Variants in SBF2 observed in about 807,000 individuals in gnomAD.
SBF2 encodes the protein SET binding factor 2.
In SBF2, 112 loss-of-function variants were observed where a neutral mutation model predicts 225.2. The ratio of observed to expected loss-of-function variants is 0.50; its 90% CI spans 0.43 to 0.58. The LOEUF (loss-of-function observed/expected upper bound fraction) is 0.58. Among genes scored for constraint, SBF2 ranks in the 20% least tolerant of loss-of-function variants. The pLI is 0.00. For synonymous variants in SBF2, 763 were observed against 773.3 expected (o/e 0.99, Z 0.22); for missense variants, 1,996 against 2,206.2 (o/e 0.90, Z 1.91).
chr11:10,143,746 C>G (rs1954758435), intron 2 of SBF2, among the ~76,000 whole-genome samples: 1 of 150,992 alleles, frequency 6.6e-6, no homozygotes, highest in African/African-American at 2.4e-5. Context: ...TAGACGAAGT[C>G]TCGCTCTTTC....
Position 9,781,656 on chromosome 11 carries a change from C to A in SBF2, c.5320-18G>T, listed in dbSNP as rs767632563. On this transcript the variant is annotated intron_variant, in intron 38 of 39. Coordinates refer to ENST00000256190, the MANE Select transcript of SBF2 (RefSeq NM_030962.4). ...TAGCGCAGCTGGAACCAAAAGGATA[C>A]AAGTGAGATATAAGAGACAGAAAGA... is the stretch of plus-strand genomic sequence containing the variant. 2.5e-6 allele frequency: 4 copies of A among 1,614,050 alleles called. No homozygotes were observed. Among genetic ancestry groups the A allele is most frequent in the Non-Finnish European group, 3.4e-6 (4 of 1,179,986 alleles).
At chr11:10,217,761 G>A (rs1013379341) in intron 1 of SBF2, among the ~76,000 whole-genome samples, 9 of 152,064 alleles carry the variant, frequency 5.9e-5, no homozygotes, top group Non-Finnish European at 1.2e-4. Context: ...CTCTGTACTA[G>A]TCTGTTCTCA....
intron 2 of SBF2, among the ~76,000 whole-genome samples, chr11:10,097,990 G>C (rs1464735398): frequency 6.6e-6 from 1 of 152,014 alleles, no homozygotes; most frequent in African/African-American, 2.4e-5. Context: ...CTAGGGCACA[G>C]AACGCAACAA....
At chr11:10,025,156 G>C (rs1949003952) in intron 6 of SBF2, among the ~76,000 whole-genome samples, 1 of 152,064 alleles carries the variant, frequency 6.6e-6, no homozygotes, top group Non-Finnish European at 1.5e-5. Flanking sequence ...AAAATTCATA[G>C]ACAAATTGGA....
chr11:9,923,270 C>T (rs1221076198), intron 16 of SBF2, among the ~76,000 whole-genome samples: 5 of 151,978 alleles, frequency 3.3e-5, no homozygotes, highest in South Asian at 2.1e-4. Context: ...CTGCAAGTGA[C>T]GAGCAACTAA....
intron 16 of SBF2, among the ~76,000 whole-genome samples, chr11:9,950,994 G>C (rs1184488716): frequency 6.6e-6 from 1 of 152,200 alleles, no homozygotes; most frequent in African/African-American, 2.4e-5. Flanking sequence ...ATGGTGGATA[G>C]TATAGGGGAA....
chr11:9,894,749 G>A (rs1480843010), intron 17 of SBF2, among the ~76,000 whole-genome samples: 3 of 152,062 alleles, frequency 2.0e-5, no homozygotes, highest in African/African-American at 7.2e-5. Context: ...GGGAGGCCGA[G>A]GCAGGTGGAT....
At chr11:9,822,868 G>A (rs1021913303) in intron 28 of SBF2, among the ~76,000 whole-genome samples, 1 of 152,122 alleles carries the variant, frequency 6.6e-6, no homozygotes, top group Non-Finnish European at 1.5e-5. Context: ...GCACTGATAC[G>A]ATGCAACACT....
At chr11:10,133,099 G>A (rs1202066145) in intron 2 of SBF2, among the ~76,000 whole-genome samples, 1 of 148,816 alleles carries the variant, frequency 6.7e-6, no homozygotes, top group Non-Finnish European at 1.5e-5. Context: ...TTCCTCACCA[G>A]AGCAGCTAGA....
At chr11:9,993,124 G>T in intron 10 of SBF2, 21 bp from the exon 11 acceptor site, 2 of 1,546,970 alleles carry the variant, frequency 1.3e-6, no homozygotes, top group East Asian at 2.2e-5. Flanking sequence ...AAGAAGAAAT[G>T]TTAGGTAATT....
chr11:10,214,081 T>G lies in SBF2; in HGVS notation c.56-20094A>C, dbSNP rs189736184. Among the ~76,000 whole-genome samples the G allele has an allele frequency of 2.2e-3, 330 of 152,340 alleles. 1 individual carries two copies. The highest frequency in any genetic ancestry group is 7.7e-3 in the African/African-American group (321 of 41,572). ...AAATTTAGCCCTGCAGTTTAAATTT[T>G]CTTTAAACCAGAATTTCTCAAACTA... On this transcript the variant is annotated intron_variant, in intron 1 of 39. Coordinates refer to ENST00000256190, the MANE Select transcript of SBF2 (RefSeq NM_030962.4).
At chr11:10,078,534 A>C (rs1951222464) in intron 2 of SBF2, among the ~76,000 whole-genome samples, 1 of 152,176 alleles carries the variant, frequency 6.6e-6, no homozygotes, top group Admixed American at 6.5e-5. Context: ...CAAGGACAGA[A>C]AACCAAACAC....
chr11:9,897,272 T>C lies in SBF2; in HGVS notation c.1861-1261A>G, dbSNP rs185330119. Among the ~76,000 whole-genome samples the C allele has an allele frequency of 6.6e-5, 10 of 152,200 alleles. No individual in the cohort carries two copies. In the East Asian group the frequency reaches 1.9e-3, roughly 29 times the overall value. ...TTTTTTTTGAGACAGAGTCTTGCTC[T>C]GTCACCCAGGGTTGGAGTGCAGTGG... is the stretch of plus-strand genomic sequence containing the variant. On this transcript the variant is annotated intron_variant, in intron 16 of 39. Transcript: ENST00000256190.
intron 16 of SBF2, among the ~76,000 whole-genome samples, chr11:9,924,964 G>C (rs1863917608): frequency 6.6e-6 from 1 of 151,902 alleles, no homozygotes; most frequent in South Asian, 2.1e-4. Flanking sequence ...GCCCAGGCTG[G>C]TCTTGAACTC....
At chr11:9,862,739 A>C (rs191946520) in intron 17 of SBF2, among the ~76,000 whole-genome samples, 156 of 152,160 alleles carry the variant, frequency 1.0e-3, no homozygotes, top group African/African-American at 3.5e-3. Context: ...ATTTAAAAAA[A>C]TTTTTTTTAT....
intron 19 of SBF2, among the ~76,000 whole-genome samples, chr11:9,854,331 C>A (rs1004363215): frequency 1.3e-5 from 2 of 152,190 alleles, no homozygotes; most frequent in East Asian, 1.9e-4. Context: ...GAGAAGGGAA[C>A]AAATTTGAAA....
At chr11:10,170,409 G>A (rs1956138463) in intron 2 of SBF2, among the ~76,000 whole-genome samples, 1 of 151,890 alleles carries the variant, frequency 6.6e-6, no homozygotes, top group Non-Finnish European at 1.5e-5. Context: ...TATGTTCTTG[G>A]CACCTTTTTC....
intron 16 of SBF2, among the ~76,000 whole-genome samples, chr11:9,927,728 C>T (rs555358894): frequency 7.2e-5 from 11 of 152,218 alleles, no homozygotes; most frequent in Admixed American, 2.0e-4. Context: ...CAAAATACCA[C>T]ATCAATTATT....
intron 2 of SBF2, among the ~76,000 whole-genome samples, chr11:10,183,822 T>A (rs1956826702): frequency 6.6e-6 from 1 of 152,174 alleles, no homozygotes; most frequent in South Asian, 2.1e-4. Context: ...GAATTGTGGT[T>A]ATTAGAGGCT....
Sources: allele counts gnomAD v4.1 joint callset (sites outside exome capture counted in the v4.1 genomes callset), GRCh38; gene constraint gnomAD v4.1.1; transcripts MANE v1.5; gene names NCBI Gene and HGNC (gene_info 2026-07-23, HGNC 2026-07-21).